Variants in QRICH1 observed in about 807,000 individuals in gnomAD.
The protein encoded by QRICH1 is transcriptional regulator QRICH1.
QRICH1 carries 16 observed loss-of-function variants against 87.1 expected under a neutral mutation model. That is an observed-to-expected ratio of 0.18 (90% CI 0.12 to 0.28). The LOEUF is 0.28. Ranked by LOEUF, QRICH1 falls within the 10% of genes least tolerant of loss-of-function variation. The probability of loss-of-function intolerance (pLI) is 1.00; values close to 1 mark genes in which losing one functional copy is unlikely to be tolerated. For synonymous variants in QRICH1, 367 were observed against 368.4 expected, an observed-to-expected ratio of 1.00 and a Z score of 0.05; for missense variants, 647 against 951.7, an observed-to-expected ratio of 0.68 and a Z score of 4.21.
At chr3:49,072,301 T>C (rs1004004531) in intron 2 of QRICH1, among the ~76,000 whole-genome samples, 3 of 151,726 alleles carry the variant, frequency 2.0e-5, no homozygotes, top group African/African-American at 7.3e-5. Flanking sequence ...AGTAAATAAA[T>C]ATAAAGATAA....
intron 3 of QRICH1, among the ~76,000 whole-genome samples, chr3:49,055,369 G>A (rs776444470): frequency 1.4e-4 from 21 of 151,886 alleles, no homozygotes; most frequent in Admixed American, 6.6e-4. Context: ...CCACTCTAAC[G>A]GGACCAGATA....
chr3:49,057,817 G>C lies in QRICH1; in HGVS notation c.383C>G (p.Pro128Arg). The change falls in exon 3 of 10, where the codon CCT becomes CGT. Residue 128 changes from proline to arginine, a missense_variant. Pro to Arg is a moderately radical substitution (Grantham distance 103, BLOSUM62 -2). Coordinates refer to ENST00000395443, the MANE Select transcript of QRICH1 (RefSeq NM_198880.3). This position sits in a 1 kb window ranked among gnomAD's most constrained non-coding sequence, Gnocchi z 5.4. The stretch of plus-strand genomic sequence containing the variant: ...CTGGACCTGGATGGGTTGCTCAGTA[G>C]GCTGGTGAACGGTGAGTTGTGGGGA... The part of the protein sequence containing the change: ...QLSPQLTVHQ[P>R]TEQPIQVQVQ... 6.2e-7 allele frequency: 1 copy of C among 1,614,144 alleles called. No homozygotes were observed. Among genetic ancestry groups the C allele is most frequent in the Non-Finnish European group, 8.5e-7 (1 of 1,180,040 alleles).
chr3:49,048,983 C>G (rs1399022301), intron 3 of QRICH1, among the ~76,000 whole-genome samples: 1 of 151,380 alleles, frequency 6.6e-6, no homozygotes, highest in East Asian at 2.0e-4. Context: ...CTCACTGCAA[C>G]CTTCACCTCC....
At chr3:49,086,401 C>T (rs909701489) in intron 1 of QRICH1, among the ~76,000 whole-genome samples, 2 of 151,878 alleles carry the variant, frequency 1.3e-5, no homozygotes, top group African/African-American at 4.8e-5. Flanking sequence ...GGACTACAGG[C>T]ACCCACCACC....
chr3:49,079,937 G>C (rs1422628626), intron 1 of QRICH1, among the ~76,000 whole-genome samples: 1 of 151,594 alleles, frequency 6.6e-6, no homozygotes, highest in Non-Finnish European at 1.5e-5. Flanking sequence ...GCCGAGGCAG[G>C]AGAATTGCTT....
At chr3:49,077,691 A>AAT (rs1437129789) in intron 1 of QRICH1, among the ~76,000 whole-genome samples, 1 of 152,184 alleles carries the variant, frequency 6.6e-6, no homozygotes, top group Admixed American at 6.6e-5. Context: ...GTAACTCTAG[A>AAT]AAAGTCAATT....
chr3:49,076,018 T>G (rs1368803497), intron 2 of QRICH1, among the ~76,000 whole-genome samples: 3 of 151,728 alleles, frequency 2.0e-5, no homozygotes, highest in Admixed American at 1.3e-4. Flanking sequence ...AGGAGGCAGG[T>G]GGATCATGAG....
At chr3:49,058,498 G>C (rs2093416127) in intron 2 of QRICH1, among the ~76,000 whole-genome samples, 1 of 152,066 alleles carries the variant, frequency 6.6e-6, no homozygotes, top group Non-Finnish European at 1.5e-5. Flanking sequence ...GCTAATTTTT[G>C]TATTTTTAGT....
intron 6 of QRICH1, among the ~76,000 whole-genome samples, chr3:49,042,331 C>T (rs2093315535): frequency 6.6e-6 from 1 of 150,994 alleles, no homozygotes. Context: ...GATCTCCCGA[C>T]CTTGTGATCC....
chr3:49,087,834 A>AAAAAAAAAAAAAAAAAAAAC, intron 1 of QRICH1, among the ~76,000 whole-genome samples: 2 of 149,384 alleles, frequency 1.3e-5, no homozygotes, highest in Non-Finnish European at 3.0e-5. Flanking sequence ...AAAAAAAAAA[A>AAAAAAAAAAAAAAAAAAAAC]AAAAAGAACA....
chr3:49,033,006 C>A, intron 7 of QRICH1, 114 bp downstream of exon 7: 1 of 994,550 alleles, frequency 1.0e-6, no homozygotes. Flanking sequence ...GGGGTTAGGG[C>A]TTTCAGTAGC....
chr3:49,046,133 G>A (rs73082357), intron 5 of QRICH1, among the ~76,000 whole-genome samples: 13,865 of 150,852 alleles, frequency 0.092, 919 homozygotes, highest in South Asian at 0.14. Flanking sequence ...TGGGCTGGTC[G>A]TCTTCAACTC....
At chr3:49,076,632 T>TA in intron 2 of QRICH1, 77 bp downstream of exon 2, 2 of 1,306,318 alleles carry the variant, frequency 1.5e-6, no homozygotes, top group Non-Finnish European at 2.0e-6. Context: ...CACATAGATG[T>TA]GATGAGCCCA....
rs770654886 is a variant in QRICH1 at position 49,057,681 on chromosome 3, G to T, written c.519C>A (p.His173Gln). Residue 173 changes from histidine to glutamine, a missense_variant, in exon 3 of 10, where the codon CAC (histidine) becomes CAA (glutamine). Physicochemically the swap from His to Gln is conservative, Grantham distance 24. Coordinates refer to ENST00000395443, the MANE Select transcript of QRICH1 (RefSeq NM_198880.3). This position sits in a 1 kb window ranked among gnomAD's most constrained non-coding sequence, Gnocchi z 5.4. ...CCTGGATCTGCTGGGCTGCTTGCAC[G>T]TGCTGCACCTGGATCTGAGCTGCTT... is the stretch of plus-strand genomic sequence containing the variant. The part of the protein sequence containing the change: ...QLQAAQIQVQ[H>Q]VQAAQQIQAA... 9.3e-6 allele frequency: 15 copies of T among 1,614,192 alleles called. No individual in the cohort carries two copies. Among genetic ancestry groups the T allele is most frequent in the Non-Finnish European group, 1.3e-5 (15 of 1,180,034 alleles).
chr3:49,039,528 G>A (rs1180862653), intron 6 of QRICH1, among the ~76,000 whole-genome samples: 1 of 147,078 alleles, frequency 6.8e-6, no homozygotes, highest in Non-Finnish European at 1.5e-5. Context: ...GGAGGCTGAG[G>A]CACAATAATT....
intron 6 of QRICH1, among the ~76,000 whole-genome samples, chr3:49,040,648 C>T (rs2093304632): frequency 2.0e-5 from 3 of 152,292 alleles, no homozygotes; most frequent in Admixed American, 2.0e-4. Context: ...AAGCAGCATA[C>T]ATTTTAATAA....
intron 2 of QRICH1, among the ~76,000 whole-genome samples, chr3:49,064,069 G>C (rs905009660): frequency 1.1e-4 from 16 of 151,626 alleles, no homozygotes; most frequent in Non-Finnish European, 2.1e-4. Flanking sequence ...ACCATGCCTG[G>C]CTGGTTTTCT....
At chr3:49,073,541 A>G (rs900791809) in intron 2 of QRICH1, among the ~76,000 whole-genome samples, 3 of 140,056 alleles carry the variant, frequency 2.1e-5, no homozygotes, top group South Asian at 2.2e-4. Context: ...CTCCATCTCG[A>G]AAAAAAAAAA....
chr3:49,036,036 A>G (rs1411282193), intron 6 of QRICH1, among the ~76,000 whole-genome samples: 2 of 151,690 alleles, frequency 1.3e-5, no homozygotes, highest in Non-Finnish European at 2.9e-5. Flanking sequence ...CAGTGAGGCA[A>G]GATTGTGCCA....
Sources: allele counts gnomAD v4.1 joint callset (sites outside exome capture counted in the v4.1 genomes callset), GRCh38; gene constraint gnomAD v4.1.1; non-coding constraint Gnocchi (gnomAD v3.1); transcripts MANE v1.5; gene names NCBI Gene and HGNC (gene_info 2026-07-23, HGNC 2026-07-21).